Variants in PTGER3 observed in about 807,000 individuals in gnomAD.
PTGER3 encodes the protein prostaglandin E2 receptor EP3 subtype.
In PTGER3, 22 loss-of-function variants were observed where a neutral mutation model predicts 34.7. The observed-to-expected ratio is 0.63, with a 90% CI of 0.45 to 0.91. PTGER3 has a LOEUF of 0.91. Among genes scored for constraint, PTGER3 ranks in the 40% least tolerant of loss-of-function variants. The pLI is 0.00. For synonymous variants in PTGER3, 241 were observed against 230.1 expected (o/e 1.05, Z -0.43); for missense variants, 468 against 519.4 (o/e 0.90, Z 0.96).
intron 2 of PTGER3, among the ~76,000 whole-genome samples, chr1:70,989,105 A>G (rs1431652520): frequency 6.6e-6 from 1 of 152,150 alleles, no homozygotes; most frequent in African/African-American, 2.4e-5. Flanking sequence ...ACTACTGTGT[A>G]ATAAAAATCT....
intron 4 of PTGER3, among the ~76,000 whole-genome samples, chr1:70,922,379 A>G (rs768307993): frequency 9.9e-5 from 15 of 152,116 alleles, no homozygotes; most frequent in Non-Finnish European, 1.5e-4. Flanking sequence ...AATTTATGAA[A>G]ACGAATTTAT....
intron 2 of PTGER3, chr1:71,007,029 C>G (rs542418923): frequency 1.0e-6 from 1 of 985,242 alleles, no homozygotes; most frequent in South Asian, 4.7e-5. Context: ...TTAAAACATA[C>G]TAGAAGATAT....
intron 4 of PTGER3, among the ~76,000 whole-genome samples, chr1:70,878,606 A>G (rs1646321784): frequency 3.9e-5 from 6 of 152,078 alleles, no homozygotes. Context: ...ATGAGCGTTT[A>G]ATGCCATAAA....
chr1:70,940,924 A>G (rs1026867990), intron 4 of PTGER3, among the ~76,000 whole-genome samples: 13 of 152,314 alleles, frequency 8.5e-5, no homozygotes, highest in Non-Finnish European at 7.3e-5. Flanking sequence ...TTAATTTAGT[A>G]GTAACTATCT....
chr1:70,916,591 G>T (rs1647179893), intron 4 of PTGER3, among the ~76,000 whole-genome samples: 1 of 152,002 alleles, frequency 6.6e-6, no homozygotes, highest in Non-Finnish European at 1.5e-5. Context: ...GCAACTGTTT[G>T]CAGCTTGAGG....
chr1:70,931,419 G>A (rs988278755), intron 4 of PTGER3, among the ~76,000 whole-genome samples: 1 of 152,190 alleles, frequency 6.6e-6, no homozygotes, highest in African/African-American at 2.4e-5. Context: ...GCCCCAGTAG[G>A]GACTCTGTGT....
At chr1:71,024,714 A>G in intron 1 of PTGER3, among the ~76,000 whole-genome samples, 1 of 133,850 alleles carries the variant, frequency 7.5e-6, no homozygotes, top group South Asian at 2.3e-4. Context: ...GCCACCGTGC[A>G]TAGCTAATTT....
At chr1:70,998,735 G>A (rs1418122078) in intron 2 of PTGER3, among the ~76,000 whole-genome samples, 16 of 152,114 alleles carry the variant, frequency 1.1e-4, no homozygotes, top group Non-Finnish European at 1.5e-5. Flanking sequence ...AAATTCTCTG[G>A]TAGTTCTGTT....
chr1:70,945,645 A>C (rs1427553649), intron 4 of PTGER3, among the ~76,000 whole-genome samples: 1 of 152,166 alleles, frequency 6.6e-6, no homozygotes, highest in Admixed American at 6.6e-5. Context: ...TTAAGAAGAA[A>C]ACACTCATAA....
chr1:70,967,960 C>T (rs537901087), downstream of PTGER3, among the ~76,000 whole-genome samples: 23 of 152,284 alleles, frequency 1.5e-4, no homozygotes, highest in Admixed American at 3.3e-4. Flanking sequence ...TACCTTCTGA[C>T]GGAAGCCAAA....
chr1:70,876,336 T>C (rs12067990), intron 4 of PTGER3, among the ~76,000 whole-genome samples: 2,328 of 151,828 alleles, frequency 0.015, 59 homozygotes, highest in African/African-American at 0.054. Context: ...TTCTGGATAT[T>C]AGACCTTTGT....
At chr1:71,007,680 T>G in intron 2 of PTGER3, 2 of 985,440 alleles carry the variant, frequency 2.0e-6, no homozygotes, top group Non-Finnish European at 2.4e-6. Context: ...CATTTCCCTC[T>G]GCTTAACATT....
chr1:70,874,226 C>T lies in PTGER3; in HGVS notation c.*24-21367G>A, dbSNP rs34090935. ...AAACTGCAGCAAGCAGAGCTCAGTG[C>T]AGAACTGCATGTACTCACACTTCCT... On this transcript the variant is annotated intron_variant, in intron 4 of 4. Coordinates refer to the PTGER3 transcript ENST00000370931. 1.3e-4 allele frequency among the ~76,000 whole-genome samples: 20 copies of T among 152,286 alleles called. No homozygotes were observed. In the East Asian group the frequency reaches 3.9e-3, roughly 29 times the overall value.
rs1656997715 is a variant in PTGER3 at position 71,006,688 on chromosome 1, T to C, written c.1077+5617A>G. ...CAATAATTTGTTATGCACATGATTA[T>C]GGAATATAAAACAAAATGATCTAAT... On this transcript the variant is annotated intron_variant, in intron 2 of 3. Coordinates refer to ENST00000306666, the MANE Select transcript of PTGER3 (RefSeq NM_198719.2). The C allele has an allele frequency of 4.1e-6, 4 of 984,650 alleles. No homozygotes were observed. In the Admixed American group the frequency reaches 1.8e-4, roughly 45 times the overall value. 61.0% of individuals were successfully genotyped at this position (984,650 alleles called of 1,614,324 possible). A position where few individuals can be genotyped will look rare whatever the true frequency, so the allele number is the denominator to read the frequency against.
chr1:71,023,492 G>A (rs1477032980), intron 1 of PTGER3, among the ~76,000 whole-genome samples: 1 of 151,754 alleles, frequency 6.6e-6, no homozygotes, highest in Non-Finnish European at 1.5e-5. Flanking sequence ...CATCTCAATG[G>A]CTTCAAACCC....
intron 2 of PTGER3, among the ~76,000 whole-genome samples, chr1:70,963,601 C>A (rs560547028): frequency 6.6e-6 from 1 of 152,308 alleles, no homozygotes; most frequent in East Asian, 1.9e-4. Flanking sequence ...CTGAACGGTA[C>A]CTTGGCTCCC....
chr1:70,985,497 C>T (rs532449146), intron 2 of PTGER3, among the ~76,000 whole-genome samples: 3 of 152,134 alleles, frequency 2.0e-5, no homozygotes, highest in East Asian at 1.9e-4. Flanking sequence ...AGAATGTTGG[C>T]GAACTGACAA....
intron 2 of PTGER3, among the ~76,000 whole-genome samples, chr1:70,988,304 C>A (rs1286248364): frequency 6.6e-6 from 1 of 152,034 alleles, no homozygotes. Flanking sequence ...AATAAGGAAC[C>A]ATTCTCAGAC....
intron 2 of PTGER3, among the ~76,000 whole-genome samples, chr1:70,996,979 G>A (rs543227290): frequency 2.0e-5 from 3 of 152,260 alleles, no homozygotes; most frequent in South Asian, 4.1e-4. Context: ...ATGTTTTGAA[G>A]TATATTTCTT....
Sources: allele counts gnomAD v4.1 joint callset (sites outside exome capture counted in the v4.1 genomes callset), GRCh38; gene constraint gnomAD v4.1.1; transcripts MANE v1.5; gene names NCBI Gene and HGNC (gene_info 2026-07-23, HGNC 2026-07-21).